Variants in PALD1 observed in about 807,000 individuals in gnomAD.
PALD1 encodes paladin.
PALD1 carries 57 observed loss-of-function variants against 96.0 expected under a neutral mutation model. The ratio of observed to expected loss-of-function variants is 0.59; its 90% CI spans 0.48 to 0.74. PALD1 has a LOEUF of 0.74. PALD1 is among the 30% of genes least tolerant of loss of function. The pLI, the probability that PALD1 is intolerant of heterozygous loss-of-function variation, is 0.00. For synonymous variants in PALD1, 464 were observed against 473.6 expected (o/e 0.98, Z 0.26); for missense variants, 1,063 against 1,143.7 (o/e 0.93, Z 1.02).
In PALD1 at chr10:70,505,111, T is replaced by C. The variant is rs555082163; in HGVS notation, c.-29-20812T>C. On this transcript the variant is annotated intron_variant, in intron 1 of 19. Coordinates refer to ENST00000263563, the MANE Select transcript of PALD1 (RefSeq NM_014431.3). ...AACATTTTAAAAAAGTCACATCTGT[T>C]ACTATCGTCACACCTATTATCAGAA... 8.3e-4 allele frequency among the ~76,000 whole-genome samples: 126 copies of C among 152,360 alleles called. 2 individuals carry two copies. In the Middle Eastern group the frequency reaches 0.01, roughly 12 times the overall value.
At position 70,489,077 on chromosome 10, in the gene PALD1, G is replaced by T. The variant is rs1263398776; in HGVS notation, c.-30+10018G>T. Among the ~76,000 whole-genome samples the T allele has an allele frequency of 5.3e-4, 80 of 152,284 alleles. 1 individual carries two copies. On this transcript the variant is annotated intron_variant, in intron 1 of 19. Coordinates refer to ENST00000263563, the MANE Select transcript of PALD1 (RefSeq NM_014431.3). ...TAGGCCCAGGAGAGGGCAGTTCGTT[G>T]GGTTGACAGAAGAGGGACCCTTGGG...
chr10:70,552,353 G>A (rs923146717), intron 18 of PALD1, among the ~76,000 whole-genome samples: 7 of 152,132 alleles, frequency 4.6e-5, no homozygotes, highest in Non-Finnish European at 7.3e-5. Context: ...CTGGGATGGG[G>A]GGTGATGTGG....
At chr10:70,525,801 C>G (rs886232540) in intron 1 of PALD1, 122 bp from the exon 2 acceptor site, 36 of 743,016 alleles carry the variant, frequency 4.8e-5, no homozygotes, top group Middle Eastern at 3.9e-4. Context: ...GCAAGCCTGC[C>G]TCTGTCTCCA....
At chr10:70,503,548 C>T (rs537732548) in intron 1 of PALD1, among the ~76,000 whole-genome samples, 9 of 152,058 alleles carry the variant, frequency 5.9e-5, no homozygotes, top group East Asian at 1.9e-4. Flanking sequence ...AGGCATGAAT[C>T]GCTTGAACCT....
chr10:70,476,228 T>A (rs1235650825), upstream of PALD1, among the ~76,000 whole-genome samples: 1 of 152,194 alleles, frequency 6.6e-6, no homozygotes, highest in Non-Finnish European at 1.5e-5. Flanking sequence ...CTGCTGCAGT[T>A]TGAGAGGCTC....
At chr10:70,519,561 A>ATGTC (rs1564694411) in intron 1 of PALD1, among the ~76,000 whole-genome samples, 16 of 142,896 alleles carry the variant, frequency 1.1e-4, no homozygotes, top group African/African-American at 4.3e-4. Flanking sequence ...GGGGATTAGG[A>ATGTC]TTTCTTTCTT....
rs1845922120 is a variant in PALD1 at position 70,481,023 on chromosome 10, G to C, written c.-30+1964G>C. Among the ~76,000 whole-genome samples, 3 of 152,184 alleles carry C rather than the reference G, an allele frequency of 2.0e-5. No homozygotes were observed. The South Asian group carries it at 6.2e-4, about 32-fold the overall frequency. On this transcript the variant is annotated intron_variant, in intron 1 of 19. Transcript: ENST00000263563. ...CGTATGGGCTGCAGACACGTACATA[G>C]AAATACACCATTGCTGGGATCTGAA... is the stretch of plus-strand genomic sequence containing the variant.
chr10:70,552,994 TCCTGGA>T (rs1847511622), intron 18 of PALD1, among the ~76,000 whole-genome samples: 1 of 152,202 alleles, frequency 6.6e-6, no homozygotes, highest in African/African-American at 2.4e-5. Flanking sequence ...GGCCTGTGCT[TCCTGGA>T]AATGGTTCGC....
rs1846911017 is a variant in PALD1, at chr10:70,528,137, T to C, written c.186-1092T>C. Among the ~76,000 whole-genome samples, 3 of 116,670 alleles carry C rather than the reference T, an allele frequency of 2.6e-5. No individual in the cohort carries two copies. The South Asian group carries it at 8.6e-4, about 33-fold the overall frequency. 76.5% of individuals were successfully genotyped at this position (116,670 alleles called of 152,430 possible). ...ATCATTTTTTATGGCTACATAGTAT[T>C]CCATGGTGTATATGAAGGCACTTCT... On this transcript the variant is annotated intron_variant, in intron 2 of 19. Transcript: ENST00000263563.
intron 1 of PALD1, among the ~76,000 whole-genome samples, chr10:70,507,247 C>CAAA (rs752281450): frequency 0.025 from 3,476 of 138,474 alleles, 149 homozygotes; most frequent in African/African-American, 0.085. Context: ...ACTAAAAATA[C>CAAA]AAAAAAAAAA....
the PALD1 span, among the ~76,000 whole-genome samples, chr10:70,462,353 T>A: frequency 1.3e-5 from 2 of 152,254 alleles, no homozygotes; most frequent in African/African-American, 2.4e-5. Context: ...TTAACTAATC[T>A]ATGCCTCCCC....
At chr10:70,546,196 C>CACT (rs1847358685) in intron 17 of PALD1, among the ~76,000 whole-genome samples, 1 of 152,140 alleles carries the variant, frequency 6.6e-6, no homozygotes, top group Non-Finnish European at 1.5e-5. Flanking sequence ...GAGATCTCAC[C>CACT]ACTACACTCC....
chr10:70,514,523 G>C (rs1846582673), intron 1 of PALD1, among the ~76,000 whole-genome samples: 1 of 152,196 alleles, frequency 6.6e-6, no homozygotes, highest in African/African-American at 2.4e-5. Flanking sequence ...CTGAGGGGCA[G>C]AGGTCATGAA....
intron 18 of PALD1, among the ~76,000 whole-genome samples, chr10:70,554,866 CTG>C (rs1314562459): frequency 2.1e-5 from 3 of 145,876 alleles, no homozygotes; most frequent in East Asian, 4.2e-4. Flanking sequence ...TGTATAAAGA[CTG>C]TAGTGCTTTA....
At chr10:70,561,487 T>C (rs1470490247) in intron 18 of PALD1, among the ~76,000 whole-genome samples, 1 of 152,216 alleles carries the variant, frequency 6.6e-6, no homozygotes, top group East Asian at 1.9e-4. Context: ...CCGTCCATCC[T>C]TGCAGATAGG....
chr10:70,515,906 C>A (rs763874828), intron 1 of PALD1, among the ~76,000 whole-genome samples: 3 of 152,148 alleles, frequency 2.0e-5, no homozygotes, highest in African/African-American at 7.2e-5. Flanking sequence ...AGTTGCCACT[C>A]CTGCAAGCCC....
At chr10:70,493,379 A>G (rs1218794766) in intron 1 of PALD1, among the ~76,000 whole-genome samples, 2 of 152,250 alleles carry the variant, frequency 1.3e-5, no homozygotes, top group Non-Finnish European at 2.9e-5. Flanking sequence ...AGCCATGGCC[A>G]CAGCCTGGGC....
In PALD1 at chr10:70,516,656, C is replaced by T. The variant is rs912222287; in HGVS notation, c.-29-9267C>T. On this transcript the variant is annotated intron_variant, in intron 1 of 19. Transcript: ENST00000263563. Reference sequence around the variant, plus strand: ...GTAGCCTTGACCTCCTGGGCTCAAGCGATCCTCCTGTCTCAGTCTTCTAAG... The same window carrying T: ...GTAGCCTTGACCTCCTGGGCTCAAGTGATCCTCCTGTCTCAGTCTTCTAAG... Among the ~76,000 whole-genome samples, 5 of 152,134 alleles carry T rather than the reference C, an allele frequency of 3.3e-5. No homozygotes were observed. In the South Asian group the frequency reaches 6.2e-4, roughly 19 times the overall value.
the PALD1 span, among the ~76,000 whole-genome samples, chr10:70,462,037 C>T: frequency 6.6e-6 from 1 of 152,240 alleles, no homozygotes; most frequent in Non-Finnish European, 1.5e-5. Context: ...GAGCGATCCG[C>T]CCACCTCAGC....
Sources: gnomAD v4.1 joint callset for allele counts (sites outside exome capture counted in the v4.1 genomes callset) on GRCh38, gnomAD v4.1.1 for gene constraint, MANE v1.5 for transcripts, NCBI Gene and HGNC (gene_info 2026-07-23, HGNC 2026-07-21) for gene names.